Variants in TRAPPC10 observed in about 807,000 individuals in gnomAD.
The protein encoded by TRAPPC10 is TRAPP 130 kDa subunit.
TRAPPC10 carries 23 observed loss-of-function variants against 125.5 expected under a neutral mutation model. That is an observed-to-expected ratio of 0.18 (90% CI 0.13 to 0.26). TRAPPC10 has a LOEUF of 0.26. TRAPPC10 is among the 10% of genes least tolerant of loss of function. The probability of loss-of-function intolerance (pLI) is 1.00; values close to 1 mark genes in which losing one functional copy is unlikely to be tolerated. For missense variants in TRAPPC10, 1,123 were observed against 1,308.4 expected (o/e 0.86, Z 2.19); for synonymous variants, 509 against 518.0 (o/e 0.98, Z 0.24).
intron 1 of TRAPPC10, among the ~76,000 whole-genome samples, chr21:44,018,186 A>C (rs925696269): frequency 6.6e-6 from 1 of 151,966 alleles, no homozygotes; most frequent in African/African-American, 2.4e-5. Context: ...GAATCTCTGA[A>C]ATAATCAAGT....
chr21:44,043,964 G>T (rs1451833800), intron 3 of TRAPPC10, among the ~76,000 whole-genome samples: 1 of 152,184 alleles, frequency 6.6e-6, no homozygotes, highest in Non-Finnish European at 1.5e-5. Context: ...CAGAGACCTT[G>T]GTTCCCACCA....
intron 1 of TRAPPC10, among the ~76,000 whole-genome samples, chr21:44,031,035 A>G (rs533079952): frequency 8.5e-5 from 13 of 152,286 alleles, no homozygotes; most frequent in Admixed American, 8.5e-4. Context: ...TCAGCTGGTC[A>G]GTGATGGAAC....
At chr21:44,038,170 T>C in intron 3 of TRAPPC10, among the ~76,000 whole-genome samples, 1 of 152,152 alleles carries the variant, frequency 6.6e-6, no homozygotes, top group Non-Finnish European at 1.5e-5. Flanking sequence ...ACATACTCTG[T>C]TATAGGTTGT....
Position 44,037,807 on chromosome 21 carries a change from T to C in TRAPPC10, c.165T>C (p.Ala55=). ...TTGTTTACAGGTCCTATGGCCGGGC[T>C]CCGAAGATGATTCACCTAGAGTCTA... ...PMEWRRSYGR[A]PKMIHLESNF... Residue 55 remains alanine, a synonymous_variant, in exon 3 of 23, where the codon GCT becomes GCC. Transcript: ENST00000291574. 6.2e-7 allele frequency: 1 copy of C among 1,613,864 alleles called. No individual in the cohort carries two copies. Among genetic ancestry groups the C allele is most frequent in the Non-Finnish European group, 8.5e-7 (1 of 1,179,888 alleles).
At chr21:44,050,545 T>C (rs973863807) in intron 3 of TRAPPC10, among the ~76,000 whole-genome samples, 2 of 152,110 alleles carry the variant, frequency 1.3e-5, no homozygotes, top group African/African-American at 4.8e-5. Flanking sequence ...AGTCACAGGC[T>C]CTGGGCCCTG....
chr21:44,050,938 T>C (rs1331905581), intron 3 of TRAPPC10, among the ~76,000 whole-genome samples: 2 of 152,216 alleles, frequency 1.3e-5, no homozygotes, highest in Non-Finnish European at 2.9e-5. Context: ...GCAGTCTCGC[T>C]CTGTCGCCCA....
chr21:44,034,980 A>G (rs1311198882), intron 2 of TRAPPC10, among the ~76,000 whole-genome samples: 2 of 152,222 alleles, frequency 1.3e-5, no homozygotes, highest in Non-Finnish European at 2.9e-5. Context: ...GAAACATGCA[A>G]GAATAAGCTA....
intron 20 of TRAPPC10, 80 bp downstream of exon 20, chr21:44,094,313 A>G: frequency 7.6e-7 from 1 of 1,315,818 alleles, no homozygotes; most frequent in Non-Finnish European, 1.1e-6. Flanking sequence ...TGAAGAACTG[A>G]ATAGACAGCT....
chr21:44,072,914 A>G (rs2255922), intron 7 of TRAPPC10, among the ~76,000 whole-genome samples: 49,992 of 152,046 alleles, frequency 0.33, 10,949 homozygotes, highest in African/African-American at 0.63. Flanking sequence ...GCGGGCCTGC[A>G]AGGTGCGGTC....
chr21:44,035,518 A>G (rs2033925363), intron 2 of TRAPPC10, among the ~76,000 whole-genome samples: 1 of 152,304 alleles, frequency 6.6e-6, no homozygotes, highest in Non-Finnish European at 1.5e-5. Flanking sequence ...AGGTCAGCAC[A>G]GTGGCTCACA....
At position 44,089,825 on chromosome 21, in the gene TRAPPC10, C is replaced by T. The variant is rs751860564; in HGVS notation, c.2770-8C>T. ...TGGTCTGAGAGTGTCTTTGTGCTTC[C>T]TCCTCAGGTGTCGATTGACTGCCCG... On this transcript the variant is annotated splice_polypyrimidine_tract_variant and splice_region_variant and intron_variant, in intron 17 of 22. Transcript: ENST00000291574. 3.7e-6 allele frequency: 6 copies of T among 1,611,560 alleles called. No individual in the cohort carries two copies. The East Asian group carries it at 1.3e-4, about 36-fold the overall frequency.
intron 1 of TRAPPC10, among the ~76,000 whole-genome samples, chr21:44,012,866 G>T (rs1203395169): frequency 1.3e-5 from 2 of 151,956 alleles, no homozygotes; most frequent in Non-Finnish European, 2.9e-5. Context: ...CGAGGAGCGG[G>T]GGCTGCCACC....
In TRAPPC10 at chr21:44,082,675, A is replaced by T; in HGVS notation, c.1724-113A>T. 1.7e-6 allele frequency: 2 copies of T among 1,201,772 alleles called. No individual in the cohort carries two copies. The highest frequency in any genetic ancestry group is 2.4e-6 in the Non-Finnish European group (2 of 839,798). 74.4% of individuals were successfully genotyped at this position (1,201,772 alleles called of 1,614,324 possible). Reference sequence around the variant, plus strand: ...GCTGGGCTCAGCTGCTGTGCCCATCACTGCTGCTTGCTTCAGTCTGCTCTC... The same window carrying T: ...GCTGGGCTCAGCTGCTGTGCCCATCTCTGCTGCTTGCTTCAGTCTGCTCTC... On this transcript the variant is annotated intron_variant, in intron 13 of 22. Coordinates refer to ENST00000291574, the MANE Select transcript of TRAPPC10 (RefSeq NM_003274.5). This position sits in a 1 kb window ranked among gnomAD's most constrained non-coding sequence, Gnocchi z 4.4.
Position 44,082,466 on chromosome 21 carries a change from G to T in TRAPPC10, c.1724-322G>T, listed in dbSNP as rs916836925. ...TCCCTTGGAAATAGCTGTAGAAATTGGACTATTTACAAATTGTCGTTTGAA... is the reference window on the plus strand; with the variant it reads ...TCCCTTGGAAATAGCTGTAGAAATTTGACTATTTACAAATTGTCGTTTGAA... On this transcript the variant is annotated intron_variant, in intron 13 of 22. Transcript: ENST00000291574. The surrounding 1 kb of genome is among the most constrained non-coding windows in gnomAD (Gnocchi z 4.4). Among the ~76,000 whole-genome samples the T allele has an allele frequency of 2.0e-5, 3 of 152,198 alleles. No homozygotes were observed. The highest frequency in any genetic ancestry group is 2.9e-5 in the Non-Finnish European group (2 of 68,046).
intron 15 of TRAPPC10, 96 bp from the exon 16 acceptor site, chr21:44,086,706 A>G: frequency 7.6e-7 from 1 of 1,322,788 alleles, no homozygotes; most frequent in East Asian, 2.3e-5. Flanking sequence ...AATCTTTCAT[A>G]GTAAAAGAAA....
intron 3 of TRAPPC10, among the ~76,000 whole-genome samples, chr21:44,049,986 TCTC>T (rs2035127548): frequency 6.6e-6 from 1 of 152,012 alleles, no homozygotes; most frequent in Admixed American, 6.5e-5. Flanking sequence ...TTCATACAAT[TCTC>T]CTGCCTCAGC....
intron 3 of TRAPPC10, among the ~76,000 whole-genome samples, chr21:44,041,228 C>T (rs1376188357): frequency 1.3e-5 from 2 of 152,132 alleles, no homozygotes; most frequent in African/African-American, 4.8e-5. Context: ...GGGAAACTAG[C>T]TGGGCCAGGT....
At chr21:44,058,848 CAG>C (rs992141688) in intron 5 of TRAPPC10, among the ~76,000 whole-genome samples, 19 of 152,184 alleles carry the variant, frequency 1.2e-4, no homozygotes, top group African/African-American at 2.9e-4. Flanking sequence ...ATCCCAAGGA[CAG>C]GGGGGTGACC....
In TRAPPC10 at chr21:44,063,925, G is replaced by A. The variant is rs2036237140; in HGVS notation, c.1038+140G>A. 8.2e-7 allele frequency: 1 copy of A among 1,213,404 alleles called. No homozygotes were observed. Among genetic ancestry groups the A allele is most frequent in the Non-Finnish European group, 1.1e-6 (1 of 881,710 alleles). The allele number at this position is 1,213,404 out of a possible 1,614,324, so 75.2% of individuals were successfully genotyped here. A position where few individuals can be genotyped will look rare whatever the true frequency, so the allele number is the denominator to read the frequency against. ...GAATGCCTTTAATTTTCAGTATATT[G>A]TTTGCTTAGTTACTTTTTACGTTGA... On this transcript the variant is annotated intron_variant, in intron 7 of 22. Coordinates refer to ENST00000291574, the MANE Select transcript of TRAPPC10 (RefSeq NM_003274.5). The surrounding 1 kb of genome is among the most constrained non-coding windows in gnomAD (Gnocchi z 4.4).
Sources: allele counts gnomAD v4.1 joint callset (sites outside exome capture counted in the v4.1 genomes callset), GRCh38; gene constraint gnomAD v4.1.1; non-coding constraint Gnocchi (gnomAD v3.1); transcripts MANE v1.5; gene names NCBI Gene and HGNC (gene_info 2026-07-23, HGNC 2026-07-21).